The following CCR6 variants were observed in gnomAD, a reference collection of about 807,000 sequenced individuals.
CCR6 encodes C-C chemokine receptor type 6.
CCR6 carries 2 observed loss-of-function variants against 3.0 expected under a neutral mutation model. The ratio of observed to expected loss-of-function variants is 0.66; its 90% CI spans 0.27 to 2.07. The LOEUF (loss-of-function observed/expected upper bound fraction) is 2.07. CCR6 is among the 30% of genes most tolerant of loss of function. The pLI, the probability that CCR6 is intolerant of heterozygous loss-of-function variation, is 0.14. For synonymous variants in CCR6, 193 were observed against 184.3 expected (o/e 1.05, Z -0.38); for missense variants, 322 against 462.8 (o/e 0.70, Z 2.79).
rs149763727 is a variant in CCR6, at chr6:167,113,295, G to A, written c.-98+1281G>A. On this transcript the variant is annotated intron_variant, in intron 1 of 2. Transcript: ENST00000400926. ...TTTAGGCACAGTTCTGATAAGGGGG[G>A]GCTGTTTGGTTTCCCAGCCCAGAGC... 2.7e-3 allele frequency among the ~76,000 whole-genome samples: 417 copies of A among 152,188 alleles called. 3 individuals carry two copies. The highest frequency in any genetic ancestry group is 9.8e-3 in the African/African-American group (405 of 41,514).
intron 1 of CCR6, among the ~76,000 whole-genome samples, chr6:167,124,216 A>C (rs926176120): frequency 6.6e-6 from 1 of 152,162 alleles, no homozygotes; most frequent in African/African-American, 2.4e-5. Flanking sequence ...AATTTCTGCA[A>C]ATAAAACAGA....
chr6:167,125,131 C>CAT (rs1406289901), intron 1 of CCR6, among the ~76,000 whole-genome samples: 1 of 152,214 alleles, frequency 6.6e-6, no homozygotes, highest in Non-Finnish European at 1.5e-5. Context: ...CACACACACA[C>CAT]ATACTCTTAT....
intron 1 of CCR6, among the ~76,000 whole-genome samples, chr6:167,129,994 C>G (rs746617900): frequency 4.6e-5 from 7 of 151,810 alleles, no homozygotes; most frequent in Non-Finnish European, 1.0e-4. Context: ...CTCCAAAGAA[C>G]AGTGTGTCCT....
upstream of CCR6, among the ~76,000 whole-genome samples, chr6:167,118,003 G>A (rs1271265773): frequency 7.1e-6 from 1 of 141,530 alleles, no homozygotes; most frequent in Non-Finnish European, 1.5e-5. Context: ...CCTATCCTCT[G>A]GCCACTTCTG....
chr6:167,133,932 G>GTATATATATA (rs6149918), intron 1 of CCR6, among the ~76,000 whole-genome samples: 1,218 of 109,864 alleles, frequency 0.011, 61 homozygotes, highest in African/African-American at 0.038. Context: ...ATATATGTGT[G>GTATATATATA]TATATATATA....
At chr6:167,134,377 G>A (rs569345083) in intron 1 of CCR6, among the ~76,000 whole-genome samples, 1 of 152,214 alleles carries the variant, frequency 6.6e-6, no homozygotes, top group South Asian at 2.1e-4. Context: ...TATACCTGCT[G>A]GGATTACAAA....
chr6:167,120,573 T>C (rs1781570636), upstream of CCR6, among the ~76,000 whole-genome samples: 2 of 152,180 alleles, frequency 1.3e-5, no homozygotes, highest in African/African-American at 4.8e-5. Context: ...CTCTGTAGGA[T>C]TGTAGCCAGA....
chr6:167,131,624 C>T, intron 1 of CCR6: 1 of 155,842 alleles, frequency 6.4e-6, no homozygotes, highest in Non-Finnish European at 1.4e-5. Context: ...CCTCGCTGTC[C>T]CCAAGCCCCT....
At chr6:167,135,373 A>T (rs1166446736) in intron 1 of CCR6, among the ~76,000 whole-genome samples, 1 of 152,178 alleles carries the variant, frequency 6.6e-6, no homozygotes, top group Non-Finnish European at 1.5e-5. Flanking sequence ...TGTGACCTGG[A>T]ATGTCTACTG....
intron 1 of CCR6, among the ~76,000 whole-genome samples, chr6:167,125,304 A>G (rs950400347): frequency 1.3e-5 from 2 of 152,244 alleles, no homozygotes; most frequent in Non-Finnish European, 2.9e-5. Context: ...CATAACTATT[A>G]CTAATGTTTT....
At chr6:167,126,392 G>T (rs1562558155) in intron 1 of CCR6, 1 of 152,224 alleles carries the variant, frequency 6.6e-6, no homozygotes, top group African/African-American at 2.4e-5. Context: ...CACAACTTTT[G>T]TTTCATGCAT....
rs147428274 is a variant in CCR6, at chr6:167,132,521, G to A, written c.-97-3517G>A. Reference sequence around the variant, plus strand: ...AGTCCTTCCAGTGGGATCTCTGTGTGTGTGTCTGTGTGTGTGTGTGTATGT... The same window carrying A: ...AGTCCTTCCAGTGGGATCTCTGTGTATGTGTCTGTGTGTGTGTGTGTATGT... On this transcript the variant is annotated intron_variant, in intron 1 of 2. Transcript: ENST00000341935. Among the ~76,000 whole-genome samples, 23 of 152,166 alleles carry A rather than the reference G, an allele frequency of 1.5e-4. 2 individuals carry two copies. In the East Asian group the frequency reaches 4.4e-3, roughly 29 times the overall value.
intron 1 of CCR6, among the ~76,000 whole-genome samples, chr6:167,134,498 T>G (rs1781819929): frequency 6.6e-6 from 1 of 152,050 alleles, no homozygotes; most frequent in Non-Finnish European, 1.5e-5. Context: ...AGGGAAGGAA[T>G]GGGGTGGAGT....
At chr6:167,133,964 A>ATATATATATATATATG (rs1188778668) in intron 1 of CCR6, among the ~76,000 whole-genome samples, 6 of 111,828 alleles carry the variant, frequency 5.4e-5, no homozygotes, top group East Asian at 5.3e-4. Context: ...ATATATATAT[A>ATATATATATATATATG]TATATAGTTT....
chr6:167,117,186 C>T (rs1206504187), intron 1 of CCR6: 1 of 152,092 alleles, frequency 6.6e-6, no homozygotes, highest in Admixed American at 6.6e-5. Context: ...GCCTCTTTAT[C>T]CCTCCCCACC....
At chr6:167,124,765 CA>C (rs2114920136) in intron 1 of CCR6, among the ~76,000 whole-genome samples, 1 of 152,046 alleles carries the variant, frequency 6.6e-6, no homozygotes, top group South Asian at 2.1e-4. Context: ...TAATGCCTAG[CA>C]GGTAACTAGA....
intron 1 of CCR6, among the ~76,000 whole-genome samples, chr6:167,130,972 G>GCCCCCC (rs746486540): frequency 2.5e-5 from 3 of 120,834 alleles, no homozygotes; most frequent in East Asian, 2.6e-4. Flanking sequence ...CTCCCTCTGG[G>GCCCCCC]ACCACCCTCC....
upstream of CCR6, among the ~76,000 whole-genome samples, chr6:167,121,277 T>C (rs535715352): frequency 2.6e-4 from 39 of 152,400 alleles, no homozygotes; most frequent in African/African-American, 8.9e-4. Context: ...CGCGGTTTTG[T>C]TCAACACGTT....
intron 1 of CCR6, chr6:167,131,538 C>T (rs1781766735): frequency 6.5e-6 from 1 of 152,778 alleles, no homozygotes; most frequent in Non-Finnish European, 1.5e-5. Flanking sequence ...TAGCATCCGT[C>T]CAACCCTGCA....
Sources: allele counts gnomAD v4.1 joint callset (sites outside exome capture counted in the v4.1 genomes callset), GRCh38; gene constraint gnomAD v4.1.1; transcripts MANE v1.5; gene names NCBI Gene and HGNC (gene_info 2026-07-23, HGNC 2026-07-21).